SPOCK1: variants seen among roughly 807,000 people sequenced by gnomAD.
SPOCK1 encodes testican-1.
Under a neutral mutation model 55.3 loss-of-function variants are expected in SPOCK1, and 23 were observed. That is an observed-to-expected ratio of 0.42 (90% CI 0.30 to 0.59). The LOEUF (loss-of-function observed/expected upper bound fraction) is 0.59. Among genes scored for constraint, SPOCK1 ranks in the 20% least tolerant of loss-of-function variants. The pLI is 0.22. For synonymous variants in SPOCK1, 226 were observed against 221.0 expected (o/e 1.02, Z -0.20); for missense variants, 499 against 552.5 (o/e 0.90, Z 0.97).
chr5:137,057,457 G>A (rs1000442944), intron 6 of SPOCK1, among the ~76,000 whole-genome samples: 15 of 152,138 alleles, frequency 9.9e-5, no homozygotes, highest in African/African-American at 3.4e-4. Flanking sequence ...TATTCCTCAA[G>A]TTAAATTATC....
chr5:137,078,705 A>G (rs1434333218), intron 5 of SPOCK1, among the ~76,000 whole-genome samples: 1 of 152,118 alleles, frequency 6.6e-6, no homozygotes. Flanking sequence ...TGATCTCTAG[A>G]TCTCTAGTGC....
At chr5:137,331,385 G>T (rs1052198220) in intron 2 of SPOCK1, among the ~76,000 whole-genome samples, 4 of 152,176 alleles carry the variant, frequency 2.6e-5, no homozygotes, top group Non-Finnish European at 5.9e-5. Context: ...AGGGCATGCA[G>T]CACCACAATC....
chr5:137,370,184 C>T (rs934167667), intron 2 of SPOCK1, among the ~76,000 whole-genome samples: 8 of 152,168 alleles, frequency 5.3e-5, no homozygotes, highest in South Asian at 2.1e-4. Context: ...TCACCCGCTG[C>T]CTACCTCTGC....
At chr5:136,991,568 C>A (rs1366573965) in intron 7 of SPOCK1, among the ~76,000 whole-genome samples, 1 of 152,152 alleles carries the variant, frequency 6.6e-6, no homozygotes, top group Non-Finnish European at 1.5e-5. Context: ...TTCAGAAATT[C>A]CAAACAAGCA....
In SPOCK1 at chr5:137,005,925, G is replaced by A. The variant is rs747288720; in HGVS notation, c.590-13325C>T. Among the ~76,000 whole-genome samples the A allele has an allele frequency of 1.2e-4, 18 of 152,282 alleles. No homozygotes were observed. In the South Asian group the frequency reaches 1.2e-3, roughly 11 times the overall value. On this transcript the variant is annotated intron_variant, in intron 6 of 10. Transcript: ENST00000394945. ...CAGCATAAGCTAGGAAAAAGGGACC[G>A]AGAACGGTCAATACTAAGATCTACC...
At chr5:137,388,408 A>AG (rs531710921) in intron 2 of SPOCK1, among the ~76,000 whole-genome samples, 448 of 102,540 alleles carry the variant, frequency 4.4e-3, no homozygotes, top group African/African-American at 0.015. Context: ...GGCGGGAGGG[A>AG]GGGGGGGAAA....
At chr5:137,004,238 A>C (rs1751202052) in intron 6 of SPOCK1, among the ~76,000 whole-genome samples, 1 of 152,176 alleles carries the variant, frequency 6.6e-6, no homozygotes, top group Admixed American at 6.5e-5. Context: ...GCAGCAGGAC[A>C]CCTGCATTAT....
chr5:137,283,072 C>T (rs976897054), intron 2 of SPOCK1, among the ~76,000 whole-genome samples: 2 of 152,192 alleles, frequency 1.3e-5, no homozygotes, highest in African/African-American at 2.4e-5. Flanking sequence ...GGTAAGGATG[C>T]GAGGCTCAGT....
chr5:137,283,480 G>C (rs1244133303), intron 2 of SPOCK1, among the ~76,000 whole-genome samples: 3 of 152,160 alleles, frequency 2.0e-5, no homozygotes, highest in Non-Finnish European at 4.4e-5. Context: ...ATGGGAGGCC[G>C]AGGTGGGCAG....
At chr5:137,424,140 G>T (rs1350457475) in intron 2 of SPOCK1, among the ~76,000 whole-genome samples, 1 of 152,088 alleles carries the variant, frequency 6.6e-6, no homozygotes, top group African/African-American at 2.4e-5. Flanking sequence ...AGTCTTTTGG[G>T]AGGCCAAGGC....
At chr5:137,062,149 A>T (rs1173894612) in intron 6 of SPOCK1, among the ~76,000 whole-genome samples, 1 of 152,100 alleles carries the variant, frequency 6.6e-6, no homozygotes, top group Admixed American at 6.5e-5. Flanking sequence ...ACTCTGGAGG[A>T]GATCTGAGGC....
intron 5 of SPOCK1, among the ~76,000 whole-genome samples, chr5:137,109,581 G>A (rs1753429392): frequency 6.6e-6 from 1 of 152,148 alleles, no homozygotes; most frequent in African/African-American, 2.4e-5. Context: ...CCTCCAGCCT[G>A]GAATTGCCAG....
intron 2 of SPOCK1, among the ~76,000 whole-genome samples, chr5:137,347,519 A>T (rs890401028): frequency 6.6e-6 from 1 of 152,156 alleles, no homozygotes; most frequent in African/African-American, 2.4e-5. Context: ...CAGGAGTTCA[A>T]GACCAGCCTG....
intron 5 of SPOCK1, among the ~76,000 whole-genome samples, chr5:137,088,442 T>G (rs574653412): frequency 6.6e-6 from 1 of 152,356 alleles, no homozygotes; most frequent in South Asian, 2.1e-4. Flanking sequence ...TTTCTACTTT[T>G]GGATACAAAT....
rs1373001714 is a variant in SPOCK1, at chr5:136,978,675, ATCCTCT to A, written c.1293_1298del (p.Lys431_Asp433delinsAsn). On this transcript the variant is annotated inframe_deletion, in exon 11 of 11. Transcript: ENST00000394945. ...GGCACTACCATATGTACCCGACCTC[ATCCTCT>A]TTGTCATCATCCTCATCCTCATCAT... is the stretch of plus-strand genomic sequence containing the variant. 2 of 1,611,286 alleles carry A rather than the reference ATCCTCT, an allele frequency of 1.2e-6. No individual in the cohort carries two copies. Among genetic ancestry groups the A allele is most frequent in the African/African-American group, 2.7e-5 (2 of 74,778 alleles).
intron 2 of SPOCK1, among the ~76,000 whole-genome samples, chr5:137,357,265 T>A (rs1208747827): frequency 6.6e-6 from 1 of 152,100 alleles, no homozygotes; most frequent in Admixed American, 6.5e-5. Context: ...TAATTGAACA[T>A]CTATAATTAT....
chr5:137,495,672 A>T (rs1196997429), intron 2 of SPOCK1, among the ~76,000 whole-genome samples: 1 of 152,266 alleles, frequency 6.6e-6, no homozygotes, highest in Non-Finnish European at 1.5e-5. Flanking sequence ...AGGCTGGCTG[A>T]GCAACTGCAA....
intron 6 of SPOCK1, among the ~76,000 whole-genome samples, chr5:137,054,514 G>C (rs576851259): frequency 6.6e-6 from 1 of 152,316 alleles, no homozygotes; most frequent in African/African-American, 2.4e-5. Flanking sequence ...AGGCCACACT[G>C]TGATGTCCCT....
At chr5:137,025,879 C>T (rs1367789441) in intron 6 of SPOCK1, among the ~76,000 whole-genome samples, 1 of 152,142 alleles carries the variant, frequency 6.6e-6, no homozygotes, top group East Asian at 1.9e-4. Flanking sequence ...CATCATGAGC[C>T]TCCTTCTAGC....
Sources: gnomAD v4.1 joint callset for allele counts (sites outside exome capture counted in the v4.1 genomes callset) on GRCh38, gnomAD v4.1.1 for gene constraint, MANE v1.5 for transcripts, NCBI Gene and HGNC (gene_info 2026-07-23, HGNC 2026-07-21) for gene names.